The following ATP5MC3 variants were observed in gnomAD, a reference collection of about 807,000 sequenced individuals.
ATP5MC3 encodes ATP synthase F(0) complex subunit C3, mitochondrial.
In ATP5MC3, 6 loss-of-function variants were observed where a neutral mutation model predicts 15.6. The ratio of observed to expected loss-of-function variants is 0.38; its 90% CI spans 0.21 to 0.76. The LOEUF is 0.76. Ranked by LOEUF, ATP5MC3 falls within the 30% of genes least tolerant of loss-of-function variation. The pLI, the probability that ATP5MC3 is intolerant of heterozygous loss-of-function variation, is 0.44. For synonymous variants in ATP5MC3, 66 were observed against 63.3 expected, an observed-to-expected ratio of 1.04 and a Z score of -0.20; for missense variants, 132 against 171.2, an observed-to-expected ratio of 0.77 and a Z score of 1.28.
Position 175,181,444 on chromosome 2 carries a change from T to G in ATP5MC3, c.-51A>C, listed in dbSNP as rs770212339. 1.2e-6 allele frequency: 2 copies of G among 1,608,140 alleles called. No homozygotes were observed. Among genetic ancestry groups the G allele is most frequent in the South Asian group, 2.2e-5 (2 of 89,912 alleles). On this transcript the variant is annotated 5_prime_UTR_variant, in exon 2 of 5. Transcript: ENST00000284727. ...TGGAGATATTGGGTGACAGGCGACG[T>G]GGGCTCCTCTCCCGCTTCCTCTCTG...
Position 175,178,280 on chromosome 2 carries a change from G to A in ATP5MC3, c.*8C>T, listed in dbSNP as rs761145834. On this transcript the variant is annotated 3_prime_UTR_variant, in exon 5 of 5. Coordinates refer to ENST00000284727, the MANE Select transcript of ATP5MC3 (RefSeq NM_001689.5). ...AATATGAATGCCAACATGTCAAGCA[G>A]TAATTTGTTACATGGCAAACAAAAT... The A allele has an allele frequency of 6.2e-7, 1 of 1,603,566 alleles. No homozygotes were observed. The highest frequency in any genetic ancestry group is 8.5e-7 in the Non-Finnish European group (1 of 1,177,142).
Position 175,178,261 on chromosome 2 carries a change from A to C in ATP5MC3, c.*27T>G. On this transcript the variant is annotated 3_prime_UTR_variant, in exon 5 of 5. Transcript: ENST00000284727. ...CAGAATTACATCCGTAATTAATATG[A>C]ATGCCAACATGTCAAGCAGTAATTT... 1 of 1,599,000 alleles carries C rather than the reference A, an allele frequency of 6.3e-7. No homozygotes were observed.
intron 3 of ATP5MC3, chr2:175,179,756 T>A: frequency 4.5e-6 from 1 of 221,666 alleles, no homozygotes; most frequent in Non-Finnish European, 8.8e-6. Context: ...CCTCCCTCCT[T>A]GGCCTCCCAC....
intron 3 of ATP5MC3, 148 bp downstream of exon 3, chr2:175,179,950 G>C: frequency 1.7e-6 from 1 of 605,050 alleles, no homozygotes; most frequent in Non-Finnish European, 2.7e-6. Context: ...GGCTATTTTT[G>C]GCTATTTGGC....
chr2:175,178,969 C>G, intron 4 of ATP5MC3, 88 bp downstream of exon 4: 1 of 1,535,716 alleles, frequency 6.5e-7, no homozygotes, highest in East Asian at 2.3e-5. Context: ...AGAGTAAGCA[C>G]TTAATGCAAA....
At chr2:175,181,104 C>A (rs268226) in intron 2 of ATP5MC3, among the ~76,000 whole-genome samples, 150,627 of 152,322 alleles carry the variant, frequency 0.99, 74,491 homozygotes, top group East Asian at 1. Context: ...GTCTAGGGAC[C>A]AGAGAGTTTG....
intron 2 of ATP5MC3, among the ~76,000 whole-genome samples, chr2:175,181,013 T>C (rs138501729): frequency 1.0e-3 from 154 of 152,042 alleles, no homozygotes; most frequent in African/African-American, 3.6e-3. Context: ...GCCCCCTACA[T>C]CCTCTGCAGT....
intron 2 of ATP5MC3, 46 bp downstream of exon 2, chr2:175,181,309 A>G: frequency 6.2e-7 from 1 of 1,600,910 alleles, no homozygotes; most frequent in East Asian, 2.2e-5. Flanking sequence ...GCTCTAGGCC[A>G]AAACGCCCAC....
At position 175,179,237 on chromosome 2, in the gene ATP5MC3, A is replaced by C; in HGVS notation, c.134T>G (p.Phe45Cys). 1 of 1,613,514 alleles carries C rather than the reference A, an allele frequency of 6.2e-7. No individual in the cohort carries two copies. Among genetic ancestry groups the C allele is most frequent in the Non-Finnish European group, 8.5e-7 (1 of 1,179,476 alleles). ...ASRTGEGSTV[F>C]NGAQNGVSQL... Reference sequence around the variant, plus strand: ...AGACACACCATTCTGGGCCCCATTAAATACCGTAGAGCCCTGGAAAACAGA... The same window carrying C: ...AGACACACCATTCTGGGCCCCATTACATACCGTAGAGCCCTGGAAAACAGA... Residue 45 changes from phenylalanine to cysteine, a missense_variant, in exon 4 of 5, where the codon TTT (phenylalanine) becomes TGT (cysteine). Phe to Cys is a radical substitution (Grantham distance 205). This residue lies in a region of ATP5MC3 where 90 missense variants were observed against 86.2 expected (regional missense o/e 1.04). Transcript: ENST00000284727.
chr2:175,179,381 C>T, intron 3 of ATP5MC3, 131 bp from the exon 4 acceptor site: 4 of 1,186,986 alleles, frequency 3.4e-6, no homozygotes, highest in Non-Finnish European at 3.4e-6. Flanking sequence ...AAATCAAGAG[C>T]TTAGAATAAT....
chr2:175,179,838 T>C (rs898116769), intron 3 of ATP5MC3: 1 of 417,714 alleles, frequency 2.4e-6, no homozygotes, highest in Non-Finnish European at 4.2e-6. Flanking sequence ...CTGTAGCTAT[T>C]ATAATTTTAA....
rs1700738549 is a variant in ATP5MC3 at position 175,179,540 on chromosome 2, AC to A, written c.121-291del. ...GAGACAAGGTCTCACCTGGTCTGTC[AC>A]CCAGGCTGGAGTGCAGTACAGTGTG... On this transcript the variant is annotated intron_variant, in intron 3 of 4. Transcript: ENST00000284727. 6 of 319,290 alleles carry A rather than the reference AC, an allele frequency of 1.9e-5. No homozygotes were observed. In the Admixed American group the frequency reaches 2.3e-4, roughly 12 times the overall value. 19.8% of individuals were successfully genotyped at this position (319,290 alleles called of 1,614,324 possible).
chr2:175,178,973 A>G, intron 4 of ATP5MC3, 84 bp downstream of exon 4: 1 of 1,543,776 alleles, frequency 6.5e-7, no homozygotes, highest in Non-Finnish European at 8.7e-7. Context: ...TAAGCACTTA[A>G]TGCAAAGTAG....
rs1700746138 is a variant in ATP5MC3 at position 175,180,081 on chromosome 2, A to G, written c.120+17T>C. 6.4e-7 allele frequency: 1 copy of G among 1,570,296 alleles called. No homozygotes were observed. The highest frequency in any genetic ancestry group is 2.0e-5 in the Admixed American group (1 of 49,628). ...TATTTGGTAGTGTTACCTAATTTCA[A>G]TTATTGCTACTATTACCTCTCCAGT... On this transcript the variant is annotated intron_variant, in intron 3 of 4. Coordinates refer to ENST00000284727, the MANE Select transcript of ATP5MC3 (RefSeq NM_001689.5).
chr2:175,179,281 T>A, intron 3 of ATP5MC3, 31 bp from the exon 4 acceptor site: 1 of 1,569,946 alleles, frequency 6.4e-7, no homozygotes, highest in East Asian at 2.3e-5. Flanking sequence ...GTAAAGGTCG[T>A]ATCAGTAACC....
Position 175,180,171 on chromosome 2 carries a change from G to A in ATP5MC3, c.47C>T (p.Ala16Val), listed in dbSNP as rs1422120842. Residue 16 changes from alanine (A) to valine (V), a missense_variant, in exon 3 of 5, where the codon GCT becomes GTT. Transcript: ENST00000284727. ...TGGTCTGTATGCAACTCTGGATCCA[G>A]CTCGGATCTATTAATGAAAAAAAAA... ...KLACTPSLIR[A>V]GSRVAYRPIS... 6.3e-7 allele frequency: 1 copy of A among 1,580,010 alleles called. No homozygotes were observed. Among genetic ancestry groups the A allele is most frequent in the Non-Finnish European group, 8.5e-7 (1 of 1,171,088 alleles).
In ATP5MC3 at chr2:175,180,115, C is replaced by A; in HGVS notation, c.103G>T (p.Ala35Ser). The A allele has an allele frequency of 6.2e-7, 1 of 1,602,622 alleles. No homozygotes were observed. Among genetic ancestry groups the A allele is most frequent in the South Asian group, 1.1e-5 (1 of 88,046 alleles). ...ISASVLSRPE[A>S]SRTGEGSTVF... Reference sequence around the variant, plus strand: ...ACTATTACCTCTCCAGTCCTACTAGCCTCTGGTCGAGATAACACTGATGCA... The same window carrying A: ...ACTATTACCTCTCCAGTCCTACTAGACTCTGGTCGAGATAACACTGATGCA... Residue 35 changes from alanine to serine, a missense_variant, in exon 3 of 5, where the codon GCT (alanine) becomes TCT (serine). Ala to Ser is a moderately conservative substitution (Grantham distance 99, BLOSUM62 1). This residue lies in a region of ATP5MC3 where 90 missense variants were observed against 86.2 expected (regional missense o/e 1.04). Transcript: ENST00000284727.
At position 175,177,765 on chromosome 2, in the gene ATP5MC3, T is replaced by C. The variant is rs995919999; in HGVS notation, c.*523A>G. 2.0e-5 allele frequency: 3 copies of C among 152,214 alleles called. No individual in the cohort carries two copies. The highest frequency in any genetic ancestry group is 7.2e-5 in the African/African-American group (3 of 41,444). The allele number at this position is 152,214 out of a possible 1,614,324, so 9.4% of individuals were successfully genotyped here. A position where few individuals can be genotyped will look rare whatever the true frequency, so the allele number is the denominator to read the frequency against. On this transcript the variant is annotated 3_prime_UTR_variant, in exon 5 of 5. Coordinates refer to ENST00000284727, the MANE Select transcript of ATP5MC3 (RefSeq NM_001689.5). Reference sequence around the variant, plus strand: ...TTACCCCCTAGCTTAAGGCTTCATTTCCTAAAAAGCTGACGTGATTTATTT... The same window carrying C: ...TTACCCCCTAGCTTAAGGCTTCATTCCCTAAAAAGCTGACGTGATTTATTT...
At chr2:175,178,974 T>C (rs1700727944) in intron 4 of ATP5MC3, 83 bp downstream of exon 4, 7 of 1,545,110 alleles carry the variant, frequency 4.5e-6, no homozygotes, top group Non-Finnish European at 6.1e-6. Context: ...AAGCACTTAA[T>C]GCAAAGTAGC....
Sources: gnomAD v4.1 joint callset for allele counts (sites outside exome capture counted in the v4.1 genomes callset) on GRCh38, gnomAD v4.1.1 for gene constraint, gnomAD v4.1.1 regional missense constraint, MANE v1.5 for transcripts, NCBI Gene and HGNC (gene_info 2026-07-23, HGNC 2026-07-21) for gene names.